JPH3: variants seen among roughly 807,000 people sequenced by gnomAD.
JPH3 encodes junctophilin 3.
A neutral mutation model predicts 59.6 loss-of-function variants in JPH3; 11 were observed. The observed-to-expected ratio is 0.18, with a 90% CI of 0.12 to 0.31. The LOEUF (loss-of-function observed/expected upper bound fraction) is 0.31. Among genes scored for constraint, JPH3 ranks in the 10% least tolerant of loss-of-function variants. JPH3 has a pLI of 1.00. For missense variants in JPH3, 1,202 were observed against 1,105.7 expected, an observed-to-expected ratio of 1.09 and a Z score of -1.24; for synonymous variants, 673 against 483.6, an observed-to-expected ratio of 1.39 and a Z score of -5.14.
chr16:87,642,675 G>T (rs957715132), intron 1 of JPH3, among the ~76,000 whole-genome samples: 6 of 152,316 alleles, frequency 3.9e-5, no homozygotes, highest in African/African-American at 1.4e-4. Context: ...GCAGGGAGAA[G>T]CTCAAATGAC....
intron 2 of JPH3, among the ~76,000 whole-genome samples, chr16:87,661,502 T>TAC (rs1245870118): frequency 5.1e-4 from 78 of 152,276 alleles, no homozygotes; most frequent in African/African-American, 1.8e-3. Flanking sequence ...GGCTGGACTT[T>TAC]GGGGGTCCAG....
At chr16:87,679,783 C>G (rs982068117) in intron 2 of JPH3, among the ~76,000 whole-genome samples, 1 of 152,246 alleles carries the variant, frequency 6.6e-6, no homozygotes, top group African/African-American at 2.4e-5. Context: ...CTCTCTTACC[C>G]CAGTTCTCCA....
At chr16:87,648,757 T>A (rs1358932183) in intron 2 of JPH3, among the ~76,000 whole-genome samples, 1 of 152,090 alleles carries the variant, frequency 6.6e-6, no homozygotes, top group African/African-American at 2.4e-5. Flanking sequence ...GTGACATCAT[T>A]GTTTGGGATG....
intron 2 of JPH3, among the ~76,000 whole-genome samples, chr16:87,668,922 T>A (rs1475156857): frequency 6.6e-6 from 1 of 151,292 alleles, no homozygotes; most frequent in African/African-American, 2.4e-5. Context: ...GTGGATCTCC[T>A]CTCCCTCGCC....
chr16:87,649,417 C>T (rs1011567818), intron 2 of JPH3, among the ~76,000 whole-genome samples: 4 of 152,230 alleles, frequency 2.6e-5, no homozygotes, highest in East Asian at 1.9e-4. Flanking sequence ...TCGCTGTCCC[C>T]GGGTGGACAT....
At chr16:87,691,480 G>C (rs538867893) in intron 4 of JPH3, among the ~76,000 whole-genome samples, 1 of 152,306 alleles carries the variant, frequency 6.6e-6, no homozygotes, top group East Asian at 1.9e-4. Flanking sequence ...TCCGCAGGGG[G>C]CGCTCAGGGC....
At chr16:87,609,123 C>A (rs12931974) in intron 1 of JPH3, among the ~76,000 whole-genome samples, 1 of 152,258 alleles carries the variant, frequency 6.6e-6, no homozygotes, top group Non-Finnish European at 1.5e-5. Flanking sequence ...GCATGCCTGC[C>A]TATGTTTTCA....
intron 2 of JPH3, among the ~76,000 whole-genome samples, chr16:87,659,177 C>T (rs146253423): frequency 2.8e-4 from 43 of 152,052 alleles, no homozygotes; most frequent in East Asian, 2.3e-3. Flanking sequence ...AGTTAGAGAC[C>T]AGCCTGGCCA....
chr16:87,610,567 C>T (rs1176511973), intron 1 of JPH3, among the ~76,000 whole-genome samples: 5 of 152,064 alleles, frequency 3.3e-5, no homozygotes, highest in South Asian at 4.1e-4. Flanking sequence ...GTCATTATTT[C>T]GTATGCCTGT....
At chr16:87,610,664 A>C (rs1049866722) in intron 1 of JPH3, among the ~76,000 whole-genome samples, 1 of 152,172 alleles carries the variant, frequency 6.6e-6, no homozygotes, top group Non-Finnish European at 1.5e-5. Context: ...TCCCTTTACA[A>C]TTAGCATTAA....
chr16:87,676,338 G>A (rs754703434), intron 2 of JPH3, among the ~76,000 whole-genome samples: 1 of 152,148 alleles, frequency 6.6e-6, no homozygotes, highest in African/African-American at 2.4e-5. Flanking sequence ...CTTTTTGAAC[G>A]AGTGGATCCA....
At chr16:87,674,290 C>T (rs1014192714) in intron 2 of JPH3, among the ~76,000 whole-genome samples, 3 of 151,992 alleles carry the variant, frequency 2.0e-5, no homozygotes, top group African/African-American at 4.8e-5. Context: ...GCCGAGATCG[C>T]GCCACTGACT....
At chr16:87,604,475 G>T (rs2030431746) in intron 1 of JPH3, 4 of 1,358,126 alleles carry the variant, frequency 2.9e-6, no homozygotes, top group South Asian at 1.3e-5. Context: ...TGGCTTCCCC[G>T]ACCAGTCCAC....
At chr16:87,613,520 C>T (rs945481541) in intron 1 of JPH3, among the ~76,000 whole-genome samples, 2 of 152,090 alleles carry the variant, frequency 1.3e-5, no homozygotes, top group African/African-American at 4.8e-5. Context: ...GGGGTTTCAC[C>T]ATGTTGGCCA....
chr16:87,684,511 A>G (rs2033370340), intron 3 of JPH3: 1 of 529,330 alleles, frequency 1.9e-6, no homozygotes, highest in African/African-American at 1.9e-5. Flanking sequence ...TCCTTGGGGC[A>G]CCGCGTGTTG....
intron 1 of JPH3, 106 bp downstream of exon 1, chr16:87,603,634 G>C (rs1292111659): frequency 1.5e-6 from 2 of 1,355,854 alleles, no homozygotes; most frequent in East Asian, 5.0e-5. Flanking sequence ...CGGTTGGGCC[G>C]TGGGCACCAG....
intron 2 of JPH3, among the ~76,000 whole-genome samples, chr16:87,660,712 C>T (rs1367812372): frequency 1.3e-5 from 2 of 152,194 alleles, no homozygotes; most frequent in African/African-American, 4.8e-5. Flanking sequence ...GATGGACCCC[C>T]AATCACACTG....
At position 87,689,754 on chromosome 16, in the gene JPH3, C is replaced by G. The variant is rs1365588733; in HGVS notation, c.1394C>G (p.Thr465Ser). Residue 465 changes from threonine to serine, a missense_variant, in exon 4 of 5, where the codon ACC becomes AGC. Physicochemically the swap from Thr to Ser is moderately conservative, Grantham distance 58. Transcript: ENST00000284262. ...QESPELYRKG[T>S]TPSDLTPDDS... is the part of the protein sequence containing the mutation. Reference sequence around the variant, plus strand: ...AGCCCCGAGCTGTACCGCAAGGGCACCACTCCCTCCGACCTGACCCCCGAC... The same window carrying G: ...AGCCCCGAGCTGTACCGCAAGGGCAGCACTCCCTCCGACCTGACCCCCGAC... 6.2e-7 allele frequency: 1 copy of G among 1,612,226 alleles called. No individual in the cohort carries two copies. Among genetic ancestry groups the G allele is most frequent in the Non-Finnish European group, 8.5e-7 (1 of 1,179,712 alleles).
At chr16:87,633,534 G>A (rs1304705261) in intron 1 of JPH3, among the ~76,000 whole-genome samples, 1 of 151,964 alleles carries the variant, frequency 6.6e-6, no homozygotes. Flanking sequence ...GGGCGCGGTG[G>A]CTCACACCTG....
Sources: gnomAD v4.1 joint callset for allele counts (sites outside exome capture counted in the v4.1 genomes callset) on GRCh38, gnomAD v4.1.1 for gene constraint, MANE v1.5 for transcripts, NCBI Gene and HGNC (gene_info 2026-07-23, HGNC 2026-07-21) for gene names.